Variants in HS1BP3 observed in about 807,000 individuals in gnomAD.
HS1BP3 encodes HCLS1-binding protein 3.
HS1BP3 carries 32 observed loss-of-function variants against 33.5 expected under a neutral mutation model. That is an observed-to-expected ratio of 0.95 (90% confidence interval 0.72 to 1.28). The LOEUF (loss-of-function observed/expected upper bound fraction) is 1.28, where lower values mean the gene tolerates loss of function less well. Among genes scored for constraint, HS1BP3 ranks in the 50% most tolerant of loss-of-function variants. HS1BP3 has a pLI of 0.00. For synonymous variants in HS1BP3, 187 were observed against 209.2 expected, an observed-to-expected ratio of 0.89 and a Z score of 0.92; for missense variants, 486 against 502.3, an observed-to-expected ratio of 0.97 and a Z score of 0.31.
intron 2 of HS1BP3, chr2:20,606,378 C>T (rs1694176758): frequency 4.3e-6 from 2 of 465,608 alleles, no homozygotes; most frequent in South Asian, 1.8e-5. Flanking sequence ...GAGTCCTTTG[C>T]TAAGGAGCTC....
downstream of HS1BP3, among the ~76,000 whole-genome samples, chr2:20,590,329 G>A (rs1693781573): frequency 6.6e-6 from 1 of 152,204 alleles, no homozygotes; most frequent in Admixed American, 6.5e-5. Context: ...TCTCAGGAGA[G>A]ACCAGTGGTG....
chr2:20,558,631 G>T (rs1369517313), downstream of HS1BP3, among the ~76,000 whole-genome samples: 1 of 152,188 alleles, frequency 6.6e-6, no homozygotes, highest in African/African-American at 2.4e-5. Context: ...CCTTCAAGGG[G>T]GAGGCAAACC....
downstream of HS1BP3, among the ~76,000 whole-genome samples, chr2:20,616,039 G>A (rs2149287964): frequency 6.6e-6 from 1 of 152,340 alleles, no homozygotes; most frequent in Non-Finnish European, 1.5e-5. Flanking sequence ...GGGAGGAAGG[G>A]AGCAGTGGGA....
At chr2:20,577,198 A>G (rs1693422096) in intron 5 of HS1BP3, among the ~76,000 whole-genome samples, 1 of 152,026 alleles carries the variant, frequency 6.6e-6, no homozygotes, top group African/African-American at 2.4e-5. Flanking sequence ...TGACACACTG[A>G]TATTCATGTA....
intron 4 of HS1BP3, among the ~76,000 whole-genome samples, chr2:20,632,769 A>C (rs1695007531): frequency 6.6e-6 from 1 of 152,156 alleles, no homozygotes; most frequent in African/African-American, 2.4e-5. Context: ...TCCTTCCTCC[A>C]GGGCCAGGGG....
intron 2 of HS1BP3, among the ~76,000 whole-genome samples, chr2:20,644,569 A>G (rs1394793527): frequency 6.6e-6 from 1 of 152,222 alleles, no homozygotes; most frequent in Admixed American, 6.5e-5. Context: ...TGGTGGAAAC[A>G]GTCAGCAAAT....
chr2:20,573,095 A>G (rs997584112), intron 5 of HS1BP3, among the ~76,000 whole-genome samples: 9 of 152,166 alleles, frequency 5.9e-5, no homozygotes, highest in African/African-American at 1.7e-4. Context: ...CACCCAAAAG[A>G]TATGTCCAAG....
At chr2:20,609,017 C>T (rs977654703) in intron 2 of HS1BP3, among the ~76,000 whole-genome samples, 1 of 152,174 alleles carries the variant, frequency 6.6e-6, no homozygotes, top group Non-Finnish European at 1.5e-5. Flanking sequence ...TGTCTGAGCC[C>T]GCCTGGCTAC....
At chr2:20,605,087 G>A (rs964884707) in intron 2 of HS1BP3, among the ~76,000 whole-genome samples, 2 of 152,328 alleles carry the variant, frequency 1.3e-5, no homozygotes, top group Non-Finnish European at 2.9e-5. Context: ...AGCTTCAAAT[G>A]TTTCCTGCCA....
At chr2:20,633,920 C>T (rs1695042077) in intron 4 of HS1BP3, among the ~76,000 whole-genome samples, 1 of 152,266 alleles carries the variant, frequency 6.6e-6, no homozygotes, top group Admixed American at 6.5e-5. Flanking sequence ...CGTGACGCTG[C>T]AGGGCAGCTG....
At chr2:20,564,575 C>G (rs1014845395) in intron 5 of HS1BP3, among the ~76,000 whole-genome samples, 1 of 152,158 alleles carries the variant, frequency 6.6e-6, no homozygotes, top group African/African-American at 2.4e-5. Context: ...TCTCCACCTC[C>G]CTGATTCAAG....
intron 5 of HS1BP3, among the ~76,000 whole-genome samples, chr2:20,578,608 C>T (rs145323180): frequency 4.7e-4 from 72 of 152,296 alleles, no homozygotes; most frequent in Admixed American, 8.5e-4. Flanking sequence ...AATAGATGCC[C>T]AGCCAAGAAC....
chr2:20,620,977 G>T (rs903647857), intron 6 of HS1BP3, among the ~76,000 whole-genome samples: 1 of 152,252 alleles, frequency 6.6e-6, no homozygotes, highest in East Asian at 1.9e-4. Flanking sequence ...GGCTGGGAAG[G>T]CCTCCTGGGA....
intron 3 of HS1BP3, 129 bp downstream of exon 3, chr2:20,640,844 G>T: frequency 1.1e-6 from 1 of 884,496 alleles, no homozygotes; most frequent in Non-Finnish European, 1.8e-6. Flanking sequence ...GAGGCCACCT[G>T]CCTCACCAGC....
chr2:20,582,019 C>G (rs984364065), intron 5 of HS1BP3, among the ~76,000 whole-genome samples: 1 of 152,168 alleles, frequency 6.6e-6, no homozygotes, highest in African/African-American at 2.4e-5. Context: ...CAGGCCTGCA[C>G]AAAATAGTCT....
intron 5 of HS1BP3, among the ~76,000 whole-genome samples, chr2:20,586,928 A>T (rs1693696715): frequency 6.6e-6 from 1 of 152,238 alleles, no homozygotes; most frequent in Non-Finnish European, 1.5e-5. Flanking sequence ...TGGTGTTACC[A>T]TAAGCTGGTG....
chr2:20,632,932 T>A (rs1339433323), intron 4 of HS1BP3, among the ~76,000 whole-genome samples: 1 of 152,236 alleles, frequency 6.6e-6, no homozygotes, highest in Non-Finnish European at 1.5e-5. Flanking sequence ...CCTTTTATAT[T>A]CATATTTCAA....
chr2:20,638,177 C>A, intron 4 of HS1BP3: 1 of 588,696 alleles, frequency 1.7e-6, no homozygotes, highest in Non-Finnish European at 3.0e-6. Flanking sequence ...AGCCCCAGTG[C>A]GGAGCCACAA....
chr2:20,637,271 TCAAA>T (rs1695165669), intron 4 of HS1BP3: 3 of 152,180 alleles, frequency 2.0e-5, no homozygotes. Flanking sequence ...GAATGTGAGT[TCAAA>T]CAAAGCCTCA....
Sources: gnomAD v4.1 joint callset for allele counts (sites outside exome capture counted in the v4.1 genomes callset) on GRCh38, gnomAD v4.1.1 for gene constraint, MANE v1.5 for transcripts, NCBI Gene and HGNC (gene_info 2026-07-23, HGNC 2026-07-21) for gene names.